LTBP1: variants seen among roughly 807,000 people sequenced by gnomAD.
The protein encoded by LTBP1 is latent transforming growth factor beta binding protein 1.
A neutral mutation model predicts 207.6 loss-of-function variants in LTBP1; 129 were observed. The observed-to-expected ratio is 0.62, with a 90% confidence interval of 0.54 to 0.72. The LOEUF (loss-of-function observed/expected upper bound fraction) is 0.72. Ranked by LOEUF, LTBP1 falls within the 30% of genes least tolerant of loss-of-function variation. The pLI, the probability that LTBP1 is intolerant of heterozygous loss-of-function variation, is 0.00. For missense variants in LTBP1, 2,281 were observed against 2,217.2 expected, an observed-to-expected ratio of 1.03 and a Z score of -0.58; for synonymous variants, 963 against 833.7, an observed-to-expected ratio of 1.16 and a Z score of -2.67.
At chr2:33,371,550 G>A (rs377359482) in intron 31 of LTBP1, among the ~76,000 whole-genome samples, 5 of 152,286 alleles carry the variant, frequency 3.3e-5, no homozygotes, top group South Asian at 4.1e-4. Context: ...AATTTCTAGC[G>A]CTGTGAGAGA....
At chr2:33,190,401 A>G (rs1487238291) in intron 7 of LTBP1, among the ~76,000 whole-genome samples, 1 of 152,246 alleles carries the variant, frequency 6.6e-6, no homozygotes, top group Non-Finnish European at 1.5e-5. Flanking sequence ...TCACTGCTTT[A>G]GAAACCTGGG....
At chr2:33,290,709 C>T (rs779465080) in intron 19 of LTBP1, among the ~76,000 whole-genome samples, 5 of 152,090 alleles carry the variant, frequency 3.3e-5, no homozygotes, top group Non-Finnish European at 7.3e-5. Flanking sequence ...AATAAGGACT[C>T]AGGTTTCTGA....
At chr2:33,098,840 A>G (rs1037200844) in intron 3 of LTBP1, among the ~76,000 whole-genome samples, 4 of 152,224 alleles carry the variant, frequency 2.6e-5, no homozygotes, top group African/African-American at 9.6e-5. Flanking sequence ...AACTAGCCTC[A>G]GAGCAAGGCT....
chr2:33,176,037 G>A (rs2086011693), intron 5 of LTBP1, among the ~76,000 whole-genome samples: 1 of 151,042 alleles, frequency 6.6e-6, no homozygotes, highest in African/African-American at 2.4e-5. Flanking sequence ...GATAGCATTA[G>A]GAGATATACC....
At chr2:33,037,906 A>G (rs777183398) in intron 3 of LTBP1, among the ~76,000 whole-genome samples, 13 of 151,988 alleles carry the variant, frequency 8.6e-5, no homozygotes, top group Admixed American at 8.5e-4. Context: ...TTTTGGAGAG[A>G]TGAGGTGTCA....
intron 6 of LTBP1, among the ~76,000 whole-genome samples, 192 bp downstream of exon 6, chr2:33,187,272 A>T (rs1403061893): frequency 6.6e-6 from 1 of 152,186 alleles, no homozygotes; most frequent in African/African-American, 2.4e-5. Flanking sequence ...TAGGCCATAG[A>T]GAGTTAGTGT....
chr2:32,958,243 G>A (rs1678415046), intron 2 of LTBP1, among the ~76,000 whole-genome samples: 1 of 152,182 alleles, frequency 6.6e-6, no homozygotes, highest in Non-Finnish European at 1.5e-5. Context: ...TCATCATCCA[G>A]GGGCTTGCTA....
At chr2:33,270,589 CAAAAAAAA>C (rs397961095) in intron 15 of LTBP1, among the ~76,000 whole-genome samples, 1 of 75,342 alleles carries the variant, frequency 1.3e-5, no homozygotes, top group Admixed American at 1.7e-4. Context: ...GACTCCGTCT[CAAAAAAAA>C]AAAAAAAAAA....
intron 3 of LTBP1, among the ~76,000 whole-genome samples, chr2:33,049,718 A>G (rs1383488254): frequency 1.3e-5 from 2 of 152,220 alleles, no homozygotes; most frequent in Non-Finnish European, 2.9e-5. Context: ...GTTTTAGAAT[A>G]TATACTCAAT....
intron 7 of LTBP1, among the ~76,000 whole-genome samples, chr2:33,214,745 GC>G (rs2090555571): frequency 6.6e-6 from 1 of 152,178 alleles, no homozygotes; most frequent in Non-Finnish European, 1.5e-5. Context: ...CTCAAGGAAT[GC>G]GTGTCACGTG....
In LTBP1 at chr2:33,000,419, G is replaced by A. The variant is rs571860616; in HGVS notation, c.566-20490G>A. ...ATCCTGTGGAGCATGAGCCGTGCAT[G>A]GGATTGAGACCTTTGGTTTTGGGTT... is the stretch of plus-strand genomic sequence containing the variant. On this transcript the variant is annotated intron_variant, in intron 2 of 33. Coordinates refer to ENST00000404816, the MANE Select transcript of LTBP1 (RefSeq NM_206943.4). Among the ~76,000 whole-genome samples the A allele has an allele frequency of 2.2e-5, 3 of 135,442 alleles. 1 individual carries two copies. Among genetic ancestry groups the A allele is most frequent in the South Asian group, 5.1e-4 (2 of 3,884 alleles). 88.9% of individuals were successfully genotyped at this position (135,442 alleles called of 152,430 possible). A position where few individuals can be genotyped will look rare whatever the true frequency, so the allele number is the denominator to read the frequency against.
intron 5 of LTBP1, among the ~76,000 whole-genome samples, chr2:33,136,883 G>T (rs1264280260): frequency 6.6e-6 from 1 of 152,156 alleles, no homozygotes; most frequent in African/African-American, 2.4e-5. Flanking sequence ...TTCAAAAGCA[G>T]AACTCCACTC....
intron 31 of LTBP1, 106 bp from the exon 32 acceptor site, chr2:33,389,078 A>G: frequency 6.7e-7 from 1 of 1,484,244 alleles, no homozygotes; most frequent in Non-Finnish European, 9.3e-7. Context: ...ATGGAGACAC[A>G]CGTGGAAGGG....
At position 33,301,517 on chromosome 2, in the gene LTBP1, CAT is replaced by C; in HGVS notation, c.3359-3_3359-2del. On this transcript the variant is annotated splice_polypyrimidine_tract_variant and splice_region_variant and intron_variant, in intron 21 of 33. Coordinates refer to ENST00000404816, the MANE Select transcript of LTBP1 (RefSeq NM_206943.4). ...CACAGTTTCTTTGTATTCTCTTGCT[CAT>C]AGACATTGATGAATGCCAGCACCGT... is the stretch of plus-strand genomic sequence containing the variant. The C allele has an allele frequency of 6.3e-7, 1 of 1,590,200 alleles. No homozygotes were observed. The highest frequency in any genetic ancestry group is 8.5e-7 in the Non-Finnish European group (1 of 1,171,754).
intron 15 of LTBP1, among the ~76,000 whole-genome samples, chr2:33,270,507 G>A (rs936901121): frequency 1.0e-4 from 15 of 148,744 alleles, no homozygotes; most frequent in Admixed American, 6.1e-4. Flanking sequence ...GGAGAATGGC[G>A]TGAACCCGGG....
chr2:33,262,168 G>A (rs1008919913), intron 13 of LTBP1, among the ~76,000 whole-genome samples: 34 of 152,218 alleles, frequency 2.2e-4, no homozygotes, highest in Admixed American at 2.0e-3. Context: ...GCTCTGCCTG[G>A]CTACCACTGT....
At chr2:33,093,335 C>T (rs930589115) in intron 3 of LTBP1, among the ~76,000 whole-genome samples, 2 of 152,108 alleles carry the variant, frequency 1.3e-5, no homozygotes, top group African/African-American at 4.8e-5. Context: ...CCCCTGCTCT[C>T]CCTCCTATTC....
rs776741719 is a variant in LTBP1, at chr2:33,252,792, T to C, written c.2115T>C (p.Ser705=). 5 of 1,613,796 alleles carry C rather than the reference T, an allele frequency of 3.1e-6. No individual in the cohort carries two copies. The highest frequency in any genetic ancestry group is 2.2e-5 in the East Asian group (1 of 44,896). Residue 705 remains serine, a synonymous_variant, in exon 11 of 34, where the codon AGT becomes AGC. Transcript: ENST00000404816. Reference sequence around the variant, plus strand: ...TCACCAAGCAGCTCTGCTGTTGTAGTGTGGGCAAGGCCTGGGGCCCACACT... The same window carrying C: ...TCACCAAGCAGCTCTGCTGTTGTAGCGTGGGCAAGGCCTGGGGCCCACACT... ...VHLTKQLCCC[S]VGKAWGPHCE...
At chr2:33,286,239 TG>T (rs1290052514) in intron 19 of LTBP1, among the ~76,000 whole-genome samples, 1 of 152,258 alleles carries the variant, frequency 6.6e-6, no homozygotes, top group African/African-American at 2.4e-5. Flanking sequence ...ACTCTGTGAA[TG>T]TAGGTCTTGG....
Sources: gnomAD v4.1 joint callset for allele counts (sites outside exome capture counted in the v4.1 genomes callset) on GRCh38, gnomAD v4.1.1 for gene constraint, MANE v1.5 for transcripts, NCBI Gene and HGNC (gene_info 2026-07-23, HGNC 2026-07-21) for gene names.